Variants in ATP5MC2 observed in about 807,000 individuals in gnomAD.
The protein encoded by ATP5MC2 is ATP synthase membrane subunit c locus 2, also known as ATP synthase F(0) complex subunit C2, mitochondrial.
ATP5MC2 carries 11 observed loss-of-function variants against 13.5 expected under a neutral mutation model. The observed-to-expected ratio is 0.81, with a 90% CI of 0.51 to 1.35. ATP5MC2 has a LOEUF of 1.35. ATP5MC2 is among the 40% of genes most tolerant of loss of function. ATP5MC2 has a pLI of 0.00. For missense variants in ATP5MC2, 132 were observed against 175.0 expected (o/e 0.75, Z 1.39); for synonymous variants, 64 against 69.7 (o/e 0.92, Z 0.41).
upstream of ATP5MC2, among the ~76,000 whole-genome samples, chr12:53,680,059 C>G (rs1337474173): frequency 6.6e-6 from 1 of 152,160 alleles, no homozygotes; most frequent in African/African-American, 2.4e-5. Flanking sequence ...GATCATGGCT[C>G]ACTGCAGCCT....
upstream of ATP5MC2, among the ~76,000 whole-genome samples, chr12:53,678,379 TCAC>T (rs1565631090): frequency 8.6e-6 from 1 of 116,914 alleles, no homozygotes; most frequent in Non-Finnish European, 1.9e-5. Flanking sequence ...ACCACCATCA[TCAC>T]CATCATCATC....
At chr12:53,678,443 T>C (rs1239855098), upstream of ATP5MC2, among the ~76,000 whole-genome samples, 3 of 152,194 alleles carry the variant, frequency 2.0e-5, no homozygotes, top group African/African-American at 7.2e-5. Flanking sequence ...CTGCTACCTA[T>C]ATGGACTGTT....
At position 53,665,418 on chromosome 12, in the gene ATP5MC2, G is replaced by C. The variant is rs1944886727; in HGVS notation, c.322C>G (p.Leu108Val). Reference sequence around the variant, plus strand: ...GCGTAGGAGAAGAGCTGTTGCTTCAGAGAAGGGTTCCTGGTAGAAGGAGAA... The same window carrying C: ...GCGTAGGAGAAGAGCTGTTGCTTCACAGAAGGGTTCCTGGTAGAAGGAGAA... ...LIIGYARNPS[L>V]KQQLFSYAIL... The change falls in exon 5 of 5, where the codon CTG becomes GTG. Residue 108 changes from leucine (L) to valine (V), a missense_variant. By Grantham distance (32) the Leu-to-Val change is conservative. Coordinates refer to ENST00000394349, the MANE Select transcript of ATP5MC2 (RefSeq NM_005176.7). 6.2e-7 allele frequency: 1 copy of C among 1,613,652 alleles called. No individual in the cohort carries two copies. Among genetic ancestry groups the C allele is most frequent in the Non-Finnish European group, 8.5e-7 (1 of 1,179,552 alleles).
intron 4 of ATP5MC2, among the ~76,000 whole-genome samples, chr12:53,666,360 G>A (rs1000912360): frequency 5.3e-5 from 8 of 152,142 alleles, no homozygotes; most frequent in Non-Finnish European, 1.2e-4. Flanking sequence ...GGCAGATCAC[G>A]AGGTCAGGAA....
At position 53,665,353 on chromosome 12, in the gene ATP5MC2, A is replaced by G. The variant is rs1220084146; in HGVS notation, c.387T>C (p.Phe129=). Residue 129 remains phenylalanine (F), a synonymous_variant, in exon 5 of 5, where the codon TTT becomes TTC. Coordinates refer to ENST00000394349, the MANE Select transcript of ATP5MC2 (RefSeq NM_005176.7). ...GFALSEAMGL[F]CLMVAFLILF... is the part of the protein sequence containing the mutation. ...GGATGAGAAAGGCTACCATCAGACA[A>G]AAGAGCCCCATGGCCTCCGAGAGGG... The G allele has an allele frequency of 1.2e-6, 2 of 1,613,710 alleles. No homozygotes were observed. The highest frequency in any genetic ancestry group is 8.5e-7 in the Non-Finnish European group (1 of 1,179,924).
upstream of ATP5MC2, chr12:53,677,422 C>A (rs1486348940): frequency 6.6e-6 from 1 of 152,228 alleles, no homozygotes; most frequent in Non-Finnish European, 1.5e-5. Context: ...GATGAGGCCC[C>A]GAGTTTAATT....
chr12:53,674,176 T>C (rs890518445), intron 1 of ATP5MC2, among the ~76,000 whole-genome samples: 1 of 151,982 alleles, frequency 6.6e-6, no homozygotes, highest in African/African-American at 2.4e-5. Context: ...CAAGACCTCA[T>C]CTCTACAAAA....
chr12:53,674,945 T>G (rs1945221339), intron 1 of ATP5MC2, among the ~76,000 whole-genome samples: 1 of 152,224 alleles, frequency 6.6e-6, no homozygotes, highest in South Asian at 2.1e-4. Context: ...ATTATCTTCT[T>G]TGTAAAATGC....
chr12:53,676,054 T>C lies in ATP5MC2; in HGVS notation c.-33A>G, dbSNP rs3191815. On this transcript the variant is annotated splice_region_variant and 5_prime_UTR_variant, in exon 1 of 5. Coordinates refer to ENST00000394349, the MANE Select transcript of ATP5MC2 (RefSeq NM_005176.7). ...GGGCTCTAGGTCCCAAGGCCTTACCTGCTCCCACTGCAGAGAAGACAGAGA... is the reference window on the plus strand; with the variant it reads ...GGGCTCTAGGTCCCAAGGCCTTACCCGCTCCCACTGCAGAGAAGACAGAGA... The C allele has an allele frequency of 6.2e-7, 1 of 1,613,688 alleles. No individual in the cohort carries two copies. The highest frequency in any genetic ancestry group is 8.5e-7 in the Non-Finnish European group (1 of 1,179,928).
chr12:53,674,864 TC>T (rs1258685482), intron 1 of ATP5MC2, among the ~76,000 whole-genome samples: 1 of 152,236 alleles, frequency 6.6e-6, no homozygotes, highest in Non-Finnish European at 1.5e-5. Flanking sequence ...TTTTCTTGGG[TC>T]AAAATCCAAT....
chr12:53,674,223 A>G (rs1206406740), intron 1 of ATP5MC2, among the ~76,000 whole-genome samples: 1 of 152,198 alleles, frequency 6.6e-6, no homozygotes, highest in African/African-American at 2.4e-5. Context: ...GTGCACCTGT[A>G]GTCCCAGCTA....
upstream of ATP5MC2, chr12:53,677,162 C>A: frequency 6.5e-6 from 1 of 153,014 alleles, no homozygotes; most frequent in South Asian, 1.8e-4. Flanking sequence ...GTCCTCCCCT[C>A]CTTGGCCCCG....
upstream of ATP5MC2, chr12:53,676,268 G>A (rs1192580190): frequency 1.1e-5 from 17 of 1,541,802 alleles, no homozygotes; most frequent in Non-Finnish European, 1.4e-5. Context: ...GAAACTACAG[G>A]GAGCGCCGAC....
Position 53,675,242 on chromosome 12 carries a change from A to G in ATP5MC2, c.-32+811T>C, listed in dbSNP as rs1945229938. 2.0e-5 allele frequency among the ~76,000 whole-genome samples: 3 copies of G among 152,208 alleles called. No homozygotes were observed. In the South Asian group the frequency reaches 6.2e-4, roughly 31 times the overall value. ...TAAACCTTCTTTTCCTTGTAACAGC[A>G]GAATCTGGGGAGGTTAATTAATCCT... On this transcript the variant is annotated intron_variant, in intron 1 of 4. Coordinates refer to ENST00000394349, the MANE Select transcript of ATP5MC2 (RefSeq NM_005176.7).
intron 2 of ATP5MC2, among the ~76,000 whole-genome samples, chr12:53,671,220 A>G (rs1945087007): frequency 6.6e-6 from 1 of 152,228 alleles, no homozygotes; most frequent in African/African-American, 2.4e-5. Context: ...TCAAATCTTA[A>G]TTCTATTATC....
chr12:53,676,288 G>A (rs573316377), upstream of ATP5MC2: 417 of 1,539,426 alleles, frequency 2.7e-4, 2 homozygotes, highest in African/African-American at 5.4e-3. Context: ...CTGCAGAAAT[G>A]AGGCCAACTC....
At chr12:53,667,956 C>CACACAT (rs1390194186) in intron 4 of ATP5MC2, among the ~76,000 whole-genome samples, 6 of 67,364 alleles carry the variant, frequency 8.9e-5, no homozygotes, top group African/African-American at 2.3e-4. Context: ...CATACACACA[C>CACACAT]ATATATATAT....
At position 53,672,603 on chromosome 12, in the gene ATP5MC2, G is replaced by A. The variant is rs1301184782; in HGVS notation, c.12C>T (p.Cys4=). 2 of 1,584,902 alleles carry A rather than the reference G, an allele frequency of 1.3e-6. No homozygotes were observed. The highest frequency in any genetic ancestry group is 1.7e-6 in the Non-Finnish European group (2 of 1,165,312). Residue 4 remains cysteine, a synonymous_variant, in exon 2 of 5, where the codon TGC becomes TGT. Coordinates refer to ENST00000394349, the MANE Select transcript of ATP5MC2 (RefSeq NM_005176.7). MFA[C]SKFVSTPSLV... ...AGGAGGGAGTGGAGACAAACTTGGA[G>A]CAGGCGAACATTTTCAGGGGGTGAG...
chr12:53,679,289 C>T (rs777953498), upstream of ATP5MC2, among the ~76,000 whole-genome samples: 19 of 133,812 alleles, frequency 1.4e-4, no homozygotes, highest in Non-Finnish European at 2.6e-4. Flanking sequence ...GACCAGGGCA[C>T]AGAGAAATGC....
Sources: gnomAD v4.1 joint callset for allele counts (sites outside exome capture counted in the v4.1 genomes callset) on GRCh38, gnomAD v4.1.1 for gene constraint, MANE v1.5 for transcripts, NCBI Gene and HGNC (gene_info 2026-07-23, HGNC 2026-07-21) for gene names.